The following BCO2 variants were observed in gnomAD, a reference collection of about 807,000 sequenced individuals.
The protein encoded by BCO2 is beta-carotene oxygenase 2.
A neutral mutation model predicts 65.8 loss-of-function variants in BCO2; 56 were observed. That is an observed-to-expected ratio of 0.85 (90% CI 0.69 to 1.06). The LOEUF is 1.06. Among genes scored for constraint, BCO2 ranks in the 50% least tolerant of loss-of-function variants. BCO2 has a pLI of 0.00. For missense variants in BCO2, 675 were observed against 698.5 expected, an observed-to-expected ratio of 0.97 and a Z score of 0.38; for synonymous variants, 233 against 242.3, an observed-to-expected ratio of 0.96 and a Z score of 0.36.
chr11:112,181,363 A>G (rs1867042558), intron 2 of BCO2: 4 of 522,546 alleles, frequency 7.7e-6, no homozygotes, highest in Non-Finnish European at 1.4e-5. Flanking sequence ...TTGTATTTTT[A>G]GTAGAGACGG....
chr11:112,209,738 A>G (rs1441201243), intron 8 of BCO2, among the ~76,000 whole-genome samples: 1 of 152,182 alleles, frequency 6.6e-6, no homozygotes. Flanking sequence ...TGATTCTTTA[A>G]AAAATGTTCA....
chr11:112,186,778 G>C (rs1471363072), intron 2 of BCO2, among the ~76,000 whole-genome samples: 1 of 152,160 alleles, frequency 6.6e-6, no homozygotes, highest in Non-Finnish European at 1.5e-5. Context: ...GATGGCTTGA[G>C]GCCAGGAGTT....
rs376145571 is a variant in BCO2 at position 112,200,629 on chromosome 11, T to C, written c.882T>C (p.Tyr294=). 208 of 1,609,248 alleles carry C rather than the reference T, an allele frequency of 1.3e-4. No homozygotes were observed. The highest frequency in any genetic ancestry group is 1.7e-4 in the Non-Finnish European group (198 of 1,178,808). ...ACCTTTTAGGAATGACAAGGAACTATATAATTTTCATTGAACAACCTCTAA... is the reference window on the plus strand; with the variant it reads ...ACCTTTTAGGAATGACAAGGAACTACATAATTTTCATTGAACAACCTCTAA... ...YYHSFGMTRN[Y]IIFIEQPLKM... The change falls in exon 7 of 12, where the codon TAT becomes TAC. Residue 294 remains tyrosine (Y), a synonymous_variant. Transcript: ENST00000357685.
chr11:112,177,909 C>CT (rs11460820), intron 1 of BCO2, among the ~76,000 whole-genome samples: 124,157 of 135,378 alleles, frequency 0.92, 57,367 homozygotes, highest in East Asian at 0.98. Context: ...ATGGAATTTG[C>CT]TTTTTTTTTT....
At chr11:112,184,540 AC>A (rs1348763404) in intron 2 of BCO2, among the ~76,000 whole-genome samples, 1 of 152,164 alleles carries the variant, frequency 6.6e-6, no homozygotes, top group African/African-American at 2.4e-5. Context: ...GGCATGAGCC[AC>A]TGTGCCTGGC....
In BCO2 at chr11:112,213,131, C is replaced by CTTTTTTTTTTT. The variant is rs35527541; in HGVS notation, c.1195-574_1195-564dup. ...TGTTTATTTGATGCTAATTAAATAA[C>CTTTTTTTTTTT]TTTTTTTTTTTTTTTTTTTTTTTTT... On this transcript the variant is annotated intron_variant, in intron 8 of 11. Coordinates refer to ENST00000357685, the MANE Select transcript of BCO2 (RefSeq NM_031938.7). 4.8e-4 allele frequency among the ~76,000 whole-genome samples: 30 copies of CTTTTTTTTTTT among 63,114 alleles called. 4 individuals carry two copies. Among genetic ancestry groups the CTTTTTTTTTTT allele is most frequent in the African/African-American group, 1.6e-3 (21 of 13,376 alleles). 41.4% of individuals were successfully genotyped at this position (63,114 alleles called of 152,430 possible). A position where few individuals can be genotyped will look rare whatever the true frequency, so the allele number is the denominator to read the frequency against.
At chr11:112,200,881 T>A (rs1443146339) in intron 7 of BCO2, 108 bp downstream of exon 7, 1 of 1,227,640 alleles carries the variant, frequency 8.1e-7, no homozygotes, top group Non-Finnish European at 1.2e-6. Flanking sequence ...CATAAGACAC[T>A]TTTAATCAAG....
chr11:112,182,634 A>G (rs919548719), intron 2 of BCO2, among the ~76,000 whole-genome samples: 6 of 150,716 alleles, frequency 4.0e-5, no homozygotes, highest in African/African-American at 1.5e-4. Flanking sequence ...TCTCACTCAT[A>G]GGTGGGAATT....
intron 8 of BCO2, among the ~76,000 whole-genome samples, chr11:112,207,077 C>T (rs1416543475): frequency 6.6e-6 from 1 of 152,142 alleles, no homozygotes; most frequent in Non-Finnish European, 1.5e-5. Flanking sequence ...AGTTGATCCA[C>T]AGATTATTTT....
chr11:112,211,798 C>T (rs1352668179), intron 8 of BCO2, among the ~76,000 whole-genome samples: 1 of 152,148 alleles, frequency 6.6e-6, no homozygotes, highest in Non-Finnish European at 1.5e-5. Context: ...TCCTTTTCAT[C>T]CCAAACCTGG....
At chr11:112,215,305 A>G in intron 10 of BCO2, 1 of 300,366 alleles carries the variant, frequency 3.3e-6, no homozygotes, top group Non-Finnish European at 6.3e-6. Flanking sequence ...TTTCTCCCAT[A>G]TTCAACTCAG....
chr11:112,215,632 C>T (rs1285239499), intron 10 of BCO2: 1 of 152,756 alleles, frequency 6.5e-6, no homozygotes, highest in Non-Finnish European at 1.5e-5. Context: ...TCACTTGAAC[C>T]CAGGAGGTAG....
chr11:112,182,827 A>G, intron 2 of BCO2: 6 of 602,946 alleles, frequency 1.0e-5, no homozygotes, highest in South Asian at 9.0e-5. Flanking sequence ...CGTGGTGCAC[A>G]TGTACCCTAG....
intron 2 of BCO2, among the ~76,000 whole-genome samples, chr11:112,183,913 A>G (rs1225895518): frequency 2.0e-5 from 3 of 152,240 alleles, no homozygotes; most frequent in Non-Finnish European, 2.9e-5. Flanking sequence ...GAACTTACCT[A>G]TCACTACAAC....
intron 4 of BCO2, 92 bp from the exon 5 acceptor site, chr11:112,194,561 T>C: frequency 1.3e-6 from 1 of 788,792 alleles, no homozygotes; most frequent in South Asian, 1.7e-5. Context: ...AGTTTTCTTA[T>C]CATATTTTTA....
chr11:112,203,556 G>C (rs941739658), intron 8 of BCO2, among the ~76,000 whole-genome samples: 1 of 152,036 alleles, frequency 6.6e-6, no homozygotes, highest in African/African-American at 2.4e-5. Flanking sequence ...TAGTGAGGCA[G>C]ATTAACATAT....
At chr11:112,191,634 A>G (rs1867393523) in intron 2 of BCO2, among the ~76,000 whole-genome samples, 1 of 152,200 alleles carries the variant, frequency 6.6e-6, no homozygotes, top group African/African-American at 2.4e-5. Context: ...TAAAGTTCAT[A>G]TAGCACAATA....
rs752748181 is a variant in BCO2 at position 112,202,162 on chromosome 11, T to C, written c.1166T>C (p.Leu389Pro). Reference sequence around the variant, plus strand: ...CTAGAAGTTTACCAGTTACAGAATCTCAGGAAGGCTGGGGAAGGGCTTGAT... The same window carrying C: ...CTAGAAGTTTACCAGTTACAGAATCCCAGGAAGGCTGGGGAAGGGCTTGAT... ...RTLEVYQLQN[L>P]RKAGEGLDQV... Residue 389 changes from leucine to proline, a missense_variant, in exon 8 of 12, where the codon CTC becomes CCC. Transcript: ENST00000357685. 1.9e-6 allele frequency: 3 copies of C among 1,612,982 alleles called. No individual in the cohort carries two copies. The highest frequency in any genetic ancestry group is 2.5e-6 in the Non-Finnish European group (3 of 1,179,698).
intron 4 of BCO2, 32 bp from the exon 5 acceptor site, chr11:112,194,621 A>G (rs753882252): frequency 3.0e-6 from 4 of 1,321,024 alleles, no homozygotes; most frequent in Non-Finnish European, 3.3e-6. Flanking sequence ...AGATCTGCCC[A>G]TTAAAAATCT....
Sources: allele counts gnomAD v4.1 joint callset (sites outside exome capture counted in the v4.1 genomes callset), GRCh38; gene constraint gnomAD v4.1.1; transcripts MANE v1.5; gene names NCBI Gene and HGNC (gene_info 2026-07-23, HGNC 2026-07-21).